Variants in STPG4 observed in about 807,000 individuals in gnomAD.
STPG4 encodes protein STPG4.
A neutral mutation model predicts 31.5 loss-of-function variants in STPG4; 41 were observed. The observed-to-expected ratio is 1.30, with a 90% confidence interval of 1.01 to 1.69. The LOEUF (loss-of-function observed/expected upper bound fraction) is 1.69, where lower values mean the gene tolerates loss of function less well. Among genes scored for constraint, STPG4 ranks in the 40% most tolerant of loss-of-function variants. STPG4 has a pLI of 0.00. For missense variants in STPG4, 375 were observed against 293.4 expected (o/e 1.28, Z -2.03); for synonymous variants, 141 against 103.0 (o/e 1.37, Z -2.24).
chr2:47,097,739 T>G (rs556084215), intron 5 of STPG4, among the ~76,000 whole-genome samples: 1 of 152,298 alleles, frequency 6.6e-6, no homozygotes, highest in South Asian at 2.1e-4. Flanking sequence ...TCTAAGGTAT[T>G]TTGTTACAGC....
rs1174784872 is a variant in STPG4, at chr2:47,151,403, A to G, written c.254T>C (p.Leu85Pro). The G allele has an allele frequency of 1.2e-6, 2 of 1,614,100 alleles. No homozygotes were observed. The highest frequency in any genetic ancestry group is 2.7e-5 in the African/African-American group (2 of 74,928). ...FKNEGRKKPP[L>P]VQRNNPVLND... ...TAGGACTGGATTGTTTCTTTGCACAAGAGGTGGCTTTTTCCTTCCTTCGTT... is the reference window on the plus strand; with the variant it reads ...TAGGACTGGATTGTTTCTTTGCACAGGAGGTGGCTTTTTCCTTCCTTCGTT... Residue 85 changes from leucine to proline, a missense_variant, in exon 3 of 7, where the codon CTT (leucine) becomes CCT (proline). Coordinates refer to ENST00000445927, the MANE Select transcript of STPG4 (RefSeq NM_001163561.2).
chr2:47,100,217 G>A (rs1204570617), intron 5 of STPG4, among the ~76,000 whole-genome samples: 1 of 152,070 alleles, frequency 6.6e-6, no homozygotes, highest in Non-Finnish European at 1.5e-5. Flanking sequence ...GGGACGTGGA[G>A]AACCTTTATG....
At chr2:47,132,366 C>T (rs1194052244) in intron 3 of STPG4, among the ~76,000 whole-genome samples, 1 of 152,120 alleles carries the variant, frequency 6.6e-6, no homozygotes, top group Non-Finnish European at 1.5e-5. Flanking sequence ...AGAAACAATA[C>T]CGCTTTTGTT....
At chr2:47,093,452 T>A (rs1357486103) in intron 5 of STPG4, among the ~76,000 whole-genome samples, 1 of 152,188 alleles carries the variant, frequency 6.6e-6, no homozygotes, top group Non-Finnish European at 1.5e-5. Context: ...GCCTCTCAGT[T>A]TGGCCATAAA....
At chr2:47,090,516 AGGTGT>A (rs1436051774) in intron 5 of STPG4, 142 bp from the exon 6 acceptor site, 26 of 620,990 alleles carry the variant, frequency 4.2e-5, no homozygotes, top group Non-Finnish European at 6.8e-5. Flanking sequence ...GATCTCTTTA[AGGTGT>A]GAGCTGGGAC....
intron 6 of STPG4, among the ~76,000 whole-genome samples, chr2:47,089,585 G>A (rs1685526954): frequency 6.6e-6 from 1 of 151,938 alleles, no homozygotes; most frequent in South Asian, 2.1e-4. Context: ...AGCAAGTCTT[G>A]GGGACTTTCA....
chr2:47,089,299 G>A (rs1421492695), intron 6 of STPG4, among the ~76,000 whole-genome samples: 2 of 152,194 alleles, frequency 1.3e-5, no homozygotes, highest in African/African-American at 2.4e-5. Context: ...TTCACTGGCA[G>A]GGCCTCCCCA....
At chr2:47,112,081 TA>T (rs144749121) in intron 5 of STPG4, among the ~76,000 whole-genome samples, 4,050 of 152,318 alleles carry the variant, frequency 0.027, 190 homozygotes, top group African/African-American at 0.092. Flanking sequence ...TTTTGATAAC[TA>T]AAAAACTAAG....
chr2:47,152,048 C>G (rs772703472), intron 2 of STPG4, among the ~76,000 whole-genome samples: 5 of 152,118 alleles, frequency 3.3e-5, no homozygotes, highest in Non-Finnish European at 7.3e-5. Context: ...CAGGCGTGAG[C>G]CACCAGGCCC....
At chr2:47,130,352 T>C (rs2103780459) in intron 3 of STPG4, 92 bp from the exon 4 acceptor site, 1 of 1,005,110 alleles carries the variant, frequency 9.9e-7, no homozygotes, top group Non-Finnish European at 1.5e-6. Flanking sequence ...TTTATGACCA[T>C]ACAACATTGG....
At position 47,128,162 on chromosome 2, in the gene STPG4, G is replaced by T. The variant is rs533275844; in HGVS notation, c.519+1779C>A. Reference sequence around the variant, plus strand: ...CGAGTTCCCTGGATTACCAGGCAGAGACTCTGGTTCTCTTCCCTTCCCTTC... The same window carrying T: ...CGAGTTCCCTGGATTACCAGGCAGATACTCTGGTTCTCTTCCCTTCCCTTC... On this transcript the variant is annotated intron_variant, in intron 5 of 6. Coordinates refer to ENST00000445927, the MANE Select transcript of STPG4 (RefSeq NM_001163561.2). 5.9e-5 allele frequency among the ~76,000 whole-genome samples: 9 copies of T among 152,320 alleles called. No individual in the cohort carries two copies. In the South Asian group the frequency reaches 1.9e-3, roughly 32 times the overall value.
At chr2:47,104,559 C>T (rs1356014097) in intron 5 of STPG4, among the ~76,000 whole-genome samples, 2 of 151,970 alleles carry the variant, frequency 1.3e-5, no homozygotes, top group Non-Finnish European at 2.9e-5. Context: ...ACTCCCAGTT[C>T]CTCTTTGCCT....
chr2:47,130,065 CCCTA>C, intron 4 of STPG4, 70 bp from the exon 5 acceptor site: 1 of 1,478,396 alleles, frequency 6.8e-7, no homozygotes, highest in South Asian at 1.2e-5. Flanking sequence ...TTAACTTATT[CCCTA>C]CCTTTCATTA....
chr2:47,116,381 T>C (rs867353590), intron 5 of STPG4, among the ~76,000 whole-genome samples: 107 of 152,390 alleles, frequency 7.0e-4, no homozygotes, highest in African/African-American at 2.5e-3. Flanking sequence ...GAAACTATTC[T>C]ATTTCACATT....
intron 5 of STPG4, among the ~76,000 whole-genome samples, chr2:47,094,499 C>T (rs904871429): frequency 1.3e-5 from 2 of 152,214 alleles, no homozygotes; most frequent in Non-Finnish European, 2.9e-5. Flanking sequence ...CTTTAACCAA[C>T]GGGAGCTGTA....
At chr2:47,126,760 A>T (rs906536588) in intron 5 of STPG4, among the ~76,000 whole-genome samples, 2 of 152,140 alleles carry the variant, frequency 1.3e-5, no homozygotes, top group African/African-American at 2.4e-5. Flanking sequence ...TTTATCCTTC[A>T]CATTTTAAGG....
At chr2:47,097,974 G>T (rs911376655) in intron 5 of STPG4, among the ~76,000 whole-genome samples, 12 of 145,950 alleles carry the variant, frequency 8.2e-5, no homozygotes, top group Non-Finnish European at 1.8e-4. Flanking sequence ...AAAAAAAAAT[G>T]CACTGAGGGA....
chr2:47,129,764 G>T, intron 5 of STPG4, 177 bp downstream of exon 5: 1 of 686,738 alleles, frequency 1.5e-6, no homozygotes, highest in Non-Finnish European at 2.3e-6. Flanking sequence ...TCCCACACTT[G>T]CTTTTTGGTT....
chr2:47,138,462 G>C (rs534467906), intron 3 of STPG4, among the ~76,000 whole-genome samples: 28 of 151,522 alleles, frequency 1.8e-4, no homozygotes, highest in African/African-American at 6.8e-4. Flanking sequence ...TGTGATCTCG[G>C]CTCACTGCAA....
Sources: allele counts gnomAD v4.1 joint callset (sites outside exome capture counted in the v4.1 genomes callset), GRCh38; gene constraint gnomAD v4.1.1; transcripts MANE v1.5; gene names NCBI Gene and HGNC (gene_info 2026-07-23, HGNC 2026-07-21).